Variants in GDPD4 observed in about 807,000 individuals in gnomAD.
GDPD4 encodes glycerophosphodiester phosphodiesterase 6.
A neutral mutation model predicts 67.8 loss-of-function variants in GDPD4; 60 were observed. The observed-to-expected ratio is 0.88, with a 90% CI of 0.72 to 1.10. The LOEUF (loss-of-function observed/expected upper bound fraction) is 1.10, where lower values mean the gene tolerates loss of function less well. Among genes scored for constraint, GDPD4 ranks in the 50% least tolerant of loss-of-function variants. The pLI is 0.00. For missense variants in GDPD4, 623 were observed against 613.9 expected, an observed-to-expected ratio of 1.01 and a Z score of -0.16; for synonymous variants, 212 against 210.9, an observed-to-expected ratio of 1.00 and a Z score of -0.04.
At position 77,218,127 on chromosome 11, in the gene GDPD4, GGGAATTTTTATTGGATTTGAAT is replaced by G. The variant is rs1366345365; in HGVS notation, c.1526-835_1526-814del. On this transcript the variant is annotated intron_variant, in intron 16 of 16. Transcript: ENST00000315938. ...TTTTTTGTCAGCTTTATAGGAGAAA[GGGAATTTTTATTGGATTTGAAT>G]GGAATTTTTAGATCAATTCCATGAC... 5.3e-5 allele frequency among the ~76,000 whole-genome samples: 8 copies of G among 150,484 alleles called. No individual in the cohort carries two copies. In the South Asian group the frequency reaches 1.0e-3, roughly 20 times the overall value.
At chr11:77,235,027 T>G (rs1377037650) in intron 13 of GDPD4, among the ~76,000 whole-genome samples, 2 of 138,586 alleles carry the variant, frequency 1.4e-5, no homozygotes, top group African/African-American at 5.1e-5. Context: ...TTTTTTTTTT[T>G]TTTTTTTTTT....
chr11:77,223,860 C>T (rs1299003954), intron 16 of GDPD4, among the ~76,000 whole-genome samples: 1 of 152,158 alleles, frequency 6.6e-6, no homozygotes, highest in African/African-American at 2.4e-5. Flanking sequence ...CTAATTTGAG[C>T]GTCCTGGCTG....
intron 15 of GDPD4, among the ~76,000 whole-genome samples, chr11:77,228,393 G>A (rs1276507624): frequency 6.6e-6 from 1 of 151,068 alleles, no homozygotes; most frequent in Admixed American, 6.6e-5. Flanking sequence ...CCAGCTACTC[G>A]GGAGGCTGAG....
chr11:77,225,234 G>A (rs1252114426), intron 16 of GDPD4, among the ~76,000 whole-genome samples: 1 of 151,548 alleles, frequency 6.6e-6, no homozygotes, highest in Non-Finnish European at 1.5e-5. Context: ...CTGGGAGGTG[G>A]AGGCTGCAGT....
Position 77,268,917 on chromosome 11 carries a change from G to A in GDPD4, c.624+7C>T. 1 of 1,613,516 alleles carries A rather than the reference G, an allele frequency of 6.2e-7. No individual in the cohort carries two copies. Among genetic ancestry groups the A allele is most frequent in the Non-Finnish European group, 8.5e-7 (1 of 1,179,674 alleles). On this transcript the variant is annotated splice_region_variant and intron_variant, in intron 9 of 16. Coordinates refer to ENST00000315938, the MANE Select transcript of GDPD4 (RefSeq NM_182833.3). Reference sequence around the variant, plus strand: ...TTTTCACCCATGTTCATCATGCTCAGACCTACCATGGGTGCACCTCTATGT... The same window carrying A: ...TTTTCACCCATGTTCATCATGCTCAAACCTACCATGGGTGCACCTCTATGT...
At chr11:77,258,629 G>A in intron 10 of GDPD4, 87 bp from the exon 11 acceptor site, 1 of 1,223,464 alleles carries the variant, frequency 8.2e-7, no homozygotes, top group Middle Eastern at 2.2e-4. Context: ...AGTCCTTCAA[G>A]GTCACAAGTG....
chr11:77,291,026 T>C (rs1671122031), intron 1 of GDPD4, among the ~76,000 whole-genome samples: 1 of 152,160 alleles, frequency 6.6e-6, no homozygotes, highest in Admixed American at 6.5e-5. Flanking sequence ...TTGGTAGTTA[T>C]CCAAAGAAAG....
At chr11:77,262,854 C>CAA (rs67911054) in intron 10 of GDPD4, among the ~76,000 whole-genome samples, 3,151 of 65,152 alleles carry the variant, frequency 0.048, 240 homozygotes, top group African/African-American at 0.055. Flanking sequence ...TTCTCTGCTG[C>CAA]AAAAAAAAAA....
intron 13 of GDPD4, among the ~76,000 whole-genome samples, chr11:77,235,024 T>TTTG (rs1379412915): frequency 1.4e-5 from 2 of 141,410 alleles, no homozygotes; most frequent in African/African-American, 5.2e-5. Flanking sequence ...TTTTTTTTTT[T>TTTG]TTTTTTTTTT....
At chr11:77,268,620 G>A in intron 9 of GDPD4, 81 bp from the exon 10 acceptor site, 1 of 1,137,930 alleles carries the variant, frequency 8.8e-7, no homozygotes, top group Non-Finnish European at 1.3e-6. Flanking sequence ...GTAGAGCCCA[G>A]TAGGATTTTG....
At chr11:77,274,836 A>G (rs1297697223) in intron 5 of GDPD4, among the ~76,000 whole-genome samples, 1 of 152,176 alleles carries the variant, frequency 6.6e-6, no homozygotes, top group Non-Finnish European at 1.5e-5. Context: ...GGGAGGTAAA[A>G]AAGTTGATCT....
chr11:77,264,735 A>G (rs1959170545), intron 10 of GDPD4, among the ~76,000 whole-genome samples: 1 of 152,168 alleles, frequency 6.6e-6, no homozygotes, highest in Admixed American at 6.6e-5. Context: ...GGGAGAACTG[A>G]GAGAAGGCAA....
At chr11:77,225,258 G>A (rs556220648) in intron 16 of GDPD4, among the ~76,000 whole-genome samples, 19 of 150,812 alleles carry the variant, frequency 1.3e-4, no homozygotes, top group Admixed American at 4.0e-4. Context: ...CTGAGATCAT[G>A]CCACTGCACT....
intron 10 of GDPD4, among the ~76,000 whole-genome samples, chr11:77,268,218 CAT>C (rs1319641968): frequency 6.6e-6 from 1 of 151,994 alleles, no homozygotes; most frequent in African/African-American, 2.4e-5. Context: ...ATATGTGAAT[CAT>C]GTGTGAAGAC....
intron 16 of GDPD4, among the ~76,000 whole-genome samples, chr11:77,220,801 T>C (rs113016341): frequency 0.077 from 11,682 of 152,148 alleles, 1,573 homozygotes; most frequent in African/African-American, 0.27. Context: ...TCTTTGTATC[T>C]CTGGTAGAAT....
In GDPD4 at chr11:77,243,743, T is replaced by TA. The variant is rs34784710; in HGVS notation, c.1191dup (p.Ile398TyrfsTer7). On this transcript the variant is annotated frameshift_variant, in exon 13 of 17. Transcript: ENST00000315938. LOFTEE classifies it high-confidence loss of function. ...TTGTAGTCAACATTTATTATACTGA[T>TA]ATTGTTTTTAGCAAGGGTTTCAATG... The TA allele has an allele frequency of 0.34, 545,150 of 1,608,350 alleles. 97,675 individuals carry two copies. The highest frequency in any genetic ancestry group is 0.42 in the South Asian group (38,287 of 90,754).
chr11:77,217,408 C>T, intron 16 of GDPD4, 94 bp from the exon 17 acceptor site: 3 of 1,007,586 alleles, frequency 3.0e-6, no homozygotes, highest in Non-Finnish European at 4.8e-6. Flanking sequence ...AAATGTTAGC[C>T]ACTCCCTTAC....
intron 1 of GDPD4, among the ~76,000 whole-genome samples, chr11:77,289,683 A>T (rs1937699929): frequency 6.6e-6 from 1 of 150,894 alleles, no homozygotes; most frequent in South Asian, 2.1e-4. Flanking sequence ...GTGAGCTGAG[A>T]TTGCACCACT....
intron 1 of GDPD4, among the ~76,000 whole-genome samples, chr11:77,298,214 T>A (rs868372199): frequency 6.6e-6 from 1 of 152,028 alleles, no homozygotes; most frequent in Non-Finnish European, 1.5e-5. Context: ...TAAGTGACAG[T>A]AGAAAAGTAT....
Sources: allele counts gnomAD v4.1 joint callset (sites outside exome capture counted in the v4.1 genomes callset), GRCh38; gene constraint gnomAD v4.1.1; transcripts MANE v1.5; gene names NCBI Gene and HGNC (gene_info 2026-07-23, HGNC 2026-07-21).